C16orf96: variants seen among roughly 807,000 people sequenced by gnomAD.
C16orf96 encodes uncharacterized protein C16orf96.
In C16orf96, 108 loss-of-function variants were observed where a neutral mutation model predicts 103.6. The ratio of observed to expected loss-of-function variants is 1.04; its 90% CI spans 0.89 to 1.22. The LOEUF is 1.22. Among genes scored for constraint, C16orf96 ranks in the 50% most tolerant of loss-of-function variants. The probability of loss-of-function intolerance (pLI) is 0.00; values close to 1 mark genes in which losing one functional copy is unlikely to be tolerated. For synonymous variants in C16orf96, 566 were observed against 593.5 expected (o/e 0.95, Z 0.67); for missense variants, 1,586 against 1,464.2 (o/e 1.08, Z -1.36).
chr16:4,591,659 T>A lies in C16orf96; in HGVS notation c.2593-7T>A, dbSNP rs772505311. 6 of 1,546,656 alleles carry A rather than the reference T, an allele frequency of 3.9e-6. No individual in the cohort carries two copies. Among genetic ancestry groups the A allele is most frequent in the Non-Finnish European group, 5.3e-6 (6 of 1,142,604 alleles). On this transcript the variant is annotated splice_polypyrimidine_tract_variant and splice_region_variant and intron_variant, in intron 9 of 15. Transcript: ENST00000444310. ...TTCTTTCTTATCTTCCCCTTGGCTG[T>A]TGGCAGTTAGTCCACAGTGATCTGG...
At chr16:4,542,411 A>G in the C16orf96 span, among the ~76,000 whole-genome samples, 3 of 152,176 alleles carry the variant, frequency 2.0e-5, no homozygotes, top group African/African-American at 7.2e-5. Flanking sequence ...TTTCCCAGTA[A>G]CCACATTAAA....
chr16:4,584,832 C>T (rs913752616), intron 7 of C16orf96, among the ~76,000 whole-genome samples: 1 of 152,096 alleles, frequency 6.6e-6, no homozygotes, highest in Non-Finnish European at 1.5e-5. Flanking sequence ...CCGTGCCCAG[C>T]CAATTTTTTT....
chr16:4,570,715 C>A (rs1336961861), intron 1 of C16orf96, among the ~76,000 whole-genome samples: 1 of 152,100 alleles, frequency 6.6e-6, no homozygotes, highest in East Asian at 1.9e-4. Context: ...TTCTGCCTGA[C>A]TTGGTCTCCC....
chr16:4,579,217 C>T (rs536749028), intron 6 of C16orf96, among the ~76,000 whole-genome samples, 192 bp downstream of exon 6: 15 of 151,926 alleles, frequency 9.9e-5, no homozygotes, highest in African/African-American at 3.6e-4. Flanking sequence ...GGGGGCCCAG[C>T]AGGTGTGGGG....
rs2059550058 is a variant in C16orf96 at position 4,579,080 on chromosome 16, C to G, written c.2241+55C>G. On this transcript the variant is annotated intron_variant, in intron 6 of 15. Coordinates refer to ENST00000444310, the MANE Select transcript of C16orf96 (RefSeq NM_001145011.2). ...GCAGTGATGGCTTGAGGTGAGCTGG[C>G]TGAAGACTCCTTGACTCTGCCCCCC... 2.1e-6 allele frequency: 3 copies of G among 1,457,528 alleles called. No individual in the cohort carries two copies. In the South Asian group the frequency reaches 3.7e-5, roughly 18 times the overall value. The allele number at this position is 1,457,528 out of a possible 1,614,324, so 90.3% of individuals were successfully genotyped here.
the C16orf96 span, among the ~76,000 whole-genome samples, chr16:4,549,872 C>G: frequency 6.6e-6 from 1 of 152,144 alleles, no homozygotes; most frequent in Non-Finnish European, 1.5e-5. Context: ...TCCCCTTCGC[C>G]TTCCACAATT....
At chr16:4,579,075 G>A in intron 6 of C16orf96, 50 bp downstream of exon 6, 2 of 1,489,376 alleles carry the variant, frequency 1.3e-6, no homozygotes, top group South Asian at 1.2e-5. Context: ...CTTGAGGTGA[G>A]CTGGCTGAAG....
In C16orf96 at chr16:4,596,026, T is replaced by C. The variant is rs567349412; in HGVS notation, c.3127+1223T>C. ...CTTTCTTGCCAACGCTGTGCCTCCATTGACTCGAAGACCAGACATGGAAGA... is the reference window on the plus strand; with the variant it reads ...CTTTCTTGCCAACGCTGTGCCTCCACTGACTCGAAGACCAGACATGGAAGA... On this transcript the variant is annotated intron_variant, in intron 14 of 15. Transcript: ENST00000444310. Among the ~76,000 whole-genome samples, 8 of 152,106 alleles carry C rather than the reference T, an allele frequency of 5.3e-5. No individual in the cohort carries two copies. The South Asian group carries it at 1.7e-3, about 32-fold the overall frequency.
At chr16:4,591,548 T>G in intron 9 of C16orf96, 118 bp from the exon 10 acceptor site, 1 of 766,782 alleles carries the variant, frequency 1.3e-6, no homozygotes, top group East Asian at 2.7e-5. Flanking sequence ...CCCTCACTAT[T>G]TTAGTTGAAT....
chr16:4,570,308 T>C (rs1241013386), intron 1 of C16orf96, among the ~76,000 whole-genome samples: 2 of 152,142 alleles, frequency 1.3e-5, no homozygotes, highest in Non-Finnish European at 2.9e-5. Flanking sequence ...AACGTGCTTT[T>C]CAGTTACACT....
the C16orf96 span, among the ~76,000 whole-genome samples, chr16:4,549,577 C>T: frequency 4.0e-5 from 6 of 151,648 alleles, no homozygotes; most frequent in African/African-American, 1.5e-4. Context: ...GCAGGTGGAT[C>T]ATCTGAGGTT....
intron 2 of C16orf96, among the ~76,000 whole-genome samples, chr16:4,573,518 T>C (rs564717103): frequency 9.4e-5 from 14 of 149,212 alleles, no homozygotes; most frequent in Non-Finnish European, 1.8e-4. Context: ...TTTGGGAGGC[T>C]GAGGTGGGCA....
intron 14 of C16orf96, among the ~76,000 whole-genome samples, chr16:4,597,899 A>T (rs1251676126): frequency 6.6e-6 from 1 of 152,138 alleles, no homozygotes; most frequent in Non-Finnish European, 1.5e-5. Flanking sequence ...TGAAATTGTG[A>T]CGGATTTATA....
intron 14 of C16orf96, among the ~76,000 whole-genome samples, chr16:4,597,069 A>G (rs1263033354): frequency 7.7e-6 from 1 of 129,728 alleles, no homozygotes; most frequent in Non-Finnish European, 1.6e-5. Context: ...CACAGCTTCT[A>G]GGAGATGTAT....
chr16:4,586,485 G>A (rs1351121467), intron 7 of C16orf96, among the ~76,000 whole-genome samples: 1 of 152,208 alleles, frequency 6.6e-6, no homozygotes, highest in Non-Finnish European at 1.5e-5. Context: ...CCGACCCTCT[G>A]GGGAAATGGA....
intron 1 of C16orf96, among the ~76,000 whole-genome samples, chr16:4,558,215 G>T (rs574340101): frequency 1.1e-4 from 17 of 152,250 alleles, no homozygotes; most frequent in Non-Finnish European, 2.2e-4. Flanking sequence ...GGAGCTGCGC[G>T]CTGAGGCGTG....
intron 1 of C16orf96, among the ~76,000 whole-genome samples, chr16:4,569,820 C>T (rs2059418272): frequency 6.6e-6 from 1 of 152,134 alleles, no homozygotes; most frequent in Non-Finnish European, 1.5e-5. Context: ...CCAAAGCACG[C>T]CCCTTATAGG....
At position 4,576,000 on chromosome 16, in the gene C16orf96, A is replaced by T; in HGVS notation, c.1520A>T (p.Asp507Val). 1 of 1,540,958 alleles carries T rather than the reference A, an allele frequency of 6.5e-7. No homozygotes were observed. The highest frequency in any genetic ancestry group is 8.8e-7 in the Non-Finnish European group (1 of 1,140,696). ...CCCAAGGATAGAGCTCACAAGGATG[A>T]TGTCCCCAAAGATAGAGGTGGCAAG... The part of the protein sequence containing the change: ...VDPKDRAHKD[D>V]VPKDRGGKDV... Residue 507 changes from aspartate to valine, a missense_variant, in exon 5 of 16, where the codon GAT becomes GTT. Coordinates refer to ENST00000444310, the MANE Select transcript of C16orf96 (RefSeq NM_001145011.2).
intron 9 of C16orf96, among the ~76,000 whole-genome samples, chr16:4,589,982 C>G (rs1307731504): frequency 6.6e-6 from 1 of 151,972 alleles, no homozygotes; most frequent in Non-Finnish European, 1.5e-5. Flanking sequence ...AAAAATTAGC[C>G]AGGCCTGGTG....
Sources: gnomAD v4.1 joint callset for allele counts (sites outside exome capture counted in the v4.1 genomes callset) on GRCh38, gnomAD v4.1.1 for gene constraint, MANE v1.5 for transcripts, NCBI Gene and HGNC (gene_info 2026-07-23, HGNC 2026-07-21) for gene names.